SIPA1L1: variants seen among roughly 807,000 people sequenced by gnomAD.
SIPA1L1 encodes signal induced proliferation associated 1 like 1.
A neutral mutation model predicts 162.7 loss-of-function variants in SIPA1L1; 26 were observed. The ratio of observed to expected loss-of-function variants is 0.16; its 90% CI spans 0.12 to 0.22. The LOEUF (loss-of-function observed/expected upper bound fraction) is 0.22. Ranked by LOEUF, SIPA1L1 falls within the 10% of genes least tolerant of loss-of-function variation. SIPA1L1 has a pLI of 1.00. For missense variants in SIPA1L1, 1,874 were observed against 2,241.0 expected (o/e 0.84, Z 3.31); for synonymous variants, 829 against 837.4 (o/e 0.99, Z 0.17).
At chr14:71,534,211 A>C (rs539885337) in intron 4 of SIPA1L1, among the ~76,000 whole-genome samples, 1 of 152,242 alleles carries the variant, frequency 6.6e-6, no homozygotes, top group African/African-American at 2.4e-5. Context: ...CCAAGAGACC[A>C]TGCCTTAGTA....
At chr14:71,726,347 T>A (rs2084244810) in intron 19 of SIPA1L1, among the ~76,000 whole-genome samples, 1 of 152,092 alleles carries the variant, frequency 6.6e-6, no homozygotes, top group Admixed American at 6.5e-5. Context: ...CCCAAAGAGG[T>A]ATATTAAAAT....
chr14:71,322,325 T>C (rs1203893798), intron 2 of SIPA1L1, among the ~76,000 whole-genome samples: 3 of 152,246 alleles, frequency 2.0e-5, no homozygotes, highest in Non-Finnish European at 1.5e-5. Context: ...ACTGAATCTT[T>C]TGGAAACGTG....
chr14:71,557,419 A>G (rs1195884275), intron 4 of SIPA1L1, among the ~76,000 whole-genome samples: 1 of 152,214 alleles, frequency 6.6e-6, no homozygotes, highest in East Asian at 1.9e-4. Flanking sequence ...TCATAAGAAA[A>G]GAAATCCACT....
intron 2 of SIPA1L1, among the ~76,000 whole-genome samples, chr14:71,354,462 A>T (rs1566923466): frequency 6.6e-6 from 1 of 151,704 alleles, no homozygotes; most frequent in African/African-American, 2.4e-5. Flanking sequence ...ATTTTTGTAG[A>T]GGGGGGGTTT....
chr14:71,707,755 AATTTGGCTGTAAACATCCACGT>A (rs2149958293), intron 16 of SIPA1L1, among the ~76,000 whole-genome samples: 1 of 152,224 alleles, frequency 6.6e-6, no homozygotes, highest in East Asian at 1.9e-4. Context: ...TATTATGAAT[AATTTGGCTGTAAACATCCACGT>A]ACAATGAAAC....
At chr14:71,408,811 G>A (rs1407241781) in intron 2 of SIPA1L1, among the ~76,000 whole-genome samples, 9 of 152,214 alleles carry the variant, frequency 5.9e-5, no homozygotes, top group African/African-American at 2.2e-4. Flanking sequence ...GAGGAAGGGA[G>A]TGAGCAGGAA....
intron 2 of SIPA1L1, among the ~76,000 whole-genome samples, chr14:71,415,115 C>T (rs2042666906): frequency 6.6e-6 from 1 of 152,168 alleles, no homozygotes; most frequent in Non-Finnish European, 1.5e-5. Context: ...TCTGGAGTGA[C>T]TGCATCCTAT....
intron 4 of SIPA1L1, among the ~76,000 whole-genome samples, chr14:71,565,761 T>G (rs1024415084): frequency 1.3e-5 from 2 of 152,130 alleles, no homozygotes; most frequent in Non-Finnish European, 2.9e-5. Context: ...GTGTATGTAA[T>G]TTCCTGTGTA....
intron 12 of SIPA1L1, among the ~76,000 whole-genome samples, chr14:71,672,910 AT>A (rs999344642): frequency 6.6e-6 from 1 of 152,174 alleles, no homozygotes. Flanking sequence ...TATCTTAAGA[AT>A]TTTCCACTGG....
chr14:71,413,705 C>T (rs1482726685), intron 2 of SIPA1L1, among the ~76,000 whole-genome samples: 1 of 152,110 alleles, frequency 6.6e-6, no homozygotes, highest in African/African-American at 2.4e-5. Flanking sequence ...CCACTGTACT[C>T]CAGCCTGGGC....
intron 17 of SIPA1L1, among the ~76,000 whole-genome samples, chr14:71,712,973 C>G (rs994344237): frequency 6.6e-6 from 1 of 152,182 alleles, no homozygotes; most frequent in Non-Finnish European, 1.5e-5. Context: ...GAGGATTTTT[C>G]ACCCAATATG....
intron 2 of SIPA1L1, among the ~76,000 whole-genome samples, chr14:71,397,626 A>T (rs1363632906): frequency 6.6e-6 from 1 of 152,198 alleles, no homozygotes; most frequent in African/African-American, 2.4e-5. Flanking sequence ...TAAGCTCCTG[A>T]GCAGGTCATT....
At chr14:71,598,485 C>T (rs2036310026) in intron 5 of SIPA1L1, among the ~76,000 whole-genome samples, 1 of 152,196 alleles carries the variant, frequency 6.6e-6, no homozygotes. Context: ...AGTCCTCTTG[C>T]CCAAGAGGCA....
chr14:71,459,717 AC>A (rs2046448284), intron 2 of SIPA1L1, among the ~76,000 whole-genome samples: 1 of 152,174 alleles, frequency 6.6e-6, no homozygotes, highest in African/African-American at 2.4e-5. Flanking sequence ...GATTGTGCCC[AC>A]CAGATTAAGG....
intron 2 of SIPA1L1, among the ~76,000 whole-genome samples, chr14:71,405,620 A>T (rs2041979675): frequency 1.3e-5 from 2 of 152,352 alleles, no homozygotes; most frequent in South Asian, 4.1e-4. Context: ...CAGTTCACTA[A>T]GCTCGGAGTT....
Position 71,735,257 on chromosome 14 carries a change from G to A in SIPA1L1, c.5009-20G>A. ...GGATGTGGTTCCAAAATACTAAATG[G>A]TTTCTTCTCTCCTTTCCAGTCCAGA... On this transcript the variant is annotated intron_variant, in intron 21 of 23. Transcript: ENST00000381232. 1.3e-6 allele frequency: 2 copies of A among 1,561,382 alleles called. No individual in the cohort carries two copies. Among genetic ancestry groups the A allele is most frequent in the Non-Finnish European group, 1.8e-6 (2 of 1,132,112 alleles).
In SIPA1L1 at chr14:71,671,465, TACA is replaced by T. The variant is rs1311386483; in HGVS notation, c.2607_2609del (p.Asn869del). ...TGTATGGGCAGTCCGGGCTGAAGAC[TACA>T]ACAAGGCCATGGAACTAGACTGCCT... On this transcript the variant is annotated inframe_deletion, in exon 11 of 24. Transcript: ENST00000381232. 4.3e-6 allele frequency: 7 copies of T among 1,613,998 alleles called. No homozygotes were observed. Among genetic ancestry groups the T allele is most frequent in the Admixed American group, 3.3e-5 (2 of 59,998 alleles).
chr14:71,683,287 A>G (rs1400247018), intron 12 of SIPA1L1, among the ~76,000 whole-genome samples: 3 of 152,192 alleles, frequency 2.0e-5, no homozygotes, highest in Non-Finnish European at 2.9e-5. Flanking sequence ...CAAAATACAT[A>G]ATAATAAAGT....
intron 2 of SIPA1L1, among the ~76,000 whole-genome samples, chr14:71,409,721 A>G (rs1026356067): frequency 1.3e-5 from 2 of 152,210 alleles, no homozygotes; most frequent in African/African-American, 4.8e-5. Context: ...GAAATTACTC[A>G]CTAAACTCTG....
Sources: gnomAD v4.1 joint callset for allele counts (sites outside exome capture counted in the v4.1 genomes callset) on GRCh38, gnomAD v4.1.1 for gene constraint, MANE v1.5 for transcripts, NCBI Gene and HGNC (gene_info 2026-07-23, HGNC 2026-07-21) for gene names.